AGBL1: variants seen among roughly 807,000 people sequenced by gnomAD.
AGBL1 encodes the protein AGBL carboxypeptidase 1, also known as cytosolic carboxypeptidase 4.
AGBL1 carries 130 observed loss-of-function variants against 118.9 expected under a neutral mutation model. The observed-to-expected ratio is 1.09, with a 90% CI of 0.95 to 1.26. AGBL1 has a LOEUF of 1.26. Among genes scored for constraint, AGBL1 ranks in the 50% most tolerant of loss-of-function variants. AGBL1 has a pLI of 0.00. For synonymous variants in AGBL1, 555 were observed against 478.9 expected, an observed-to-expected ratio of 1.16 and a Z score of -2.08; for missense variants, 1,584 against 1,298.1, an observed-to-expected ratio of 1.22 and a Z score of -3.38.
At chr15:86,367,199 T>C (rs1202326377) in intron 17 of AGBL1, among the ~76,000 whole-genome samples, 1 of 152,200 alleles carries the variant, frequency 6.6e-6, no homozygotes, top group Non-Finnish European at 1.5e-5. Flanking sequence ...GAGAATGGAA[T>C]CTTTAAGCAT....
chr15:86,903,536 A>T lies in AGBL1; in HGVS notation c.3159-3551A>T, dbSNP rs544344454. Among the ~76,000 whole-genome samples the T allele has an allele frequency of 6.6e-5, 10 of 152,188 alleles. 1 individual carries two copies. In the South Asian group the frequency reaches 2.1e-3, roughly 32 times the overall value. On this transcript the variant is annotated intron_variant, in intron 22 of 22. Coordinates refer to ENST00000614907, the MANE Select transcript of AGBL1 (RefSeq NM_001386094.1). ...CTGTTGGCATGTCTTGATTATCCTGATTCTTGGTATGATGAGTGATTTTCT... is the reference window on the plus strand; with the variant it reads ...CTGTTGGCATGTCTTGATTATCCTGTTTCTTGGTATGATGAGTGATTTTCT...
chr15:86,167,532 C>T lies in AGBL1; in HGVS notation c.488+8506C>T, dbSNP rs548750923. Among the ~76,000 whole-genome samples the T allele has an allele frequency of 5.9e-5, 9 of 152,346 alleles. No homozygotes were observed. In the East Asian group the frequency reaches 1.3e-3, roughly 23 times the overall value. On this transcript the variant is annotated intron_variant, in intron 5 of 22. Coordinates refer to ENST00000614907, the MANE Select transcript of AGBL1 (RefSeq NM_001386094.1). Reference sequence around the variant, plus strand: ...AAGTGCTGGGATTATAGGCGTGAACCGCCATGCCTGGCCCGGGAACTGATA... The same window carrying T: ...AAGTGCTGGGATTATAGGCGTGAACTGCCATGCCTGGCCCGGGAACTGATA...
chr15:86,218,442 C>T (rs926406492), intron 5 of AGBL1, among the ~76,000 whole-genome samples: 2 of 152,146 alleles, frequency 1.3e-5, no homozygotes, highest in African/African-American at 4.8e-5. Flanking sequence ...GACAGACTCT[C>T]AGGTGGCCCC....
intron 22 of AGBL1, among the ~76,000 whole-genome samples, chr15:86,695,102 GCTT>G (rs980549516): frequency 5.0e-4 from 76 of 152,052 alleles, no homozygotes; most frequent in African/African-American, 1.8e-3. Flanking sequence ...GGTGATGCTG[GCTT>G]CTTTGATGAT....
chr15:86,843,876 G>A (rs919483251), intron 22 of AGBL1, among the ~76,000 whole-genome samples: 7 of 151,910 alleles, frequency 4.6e-5, no homozygotes, highest in East Asian at 1.9e-4. Flanking sequence ...CCTTGTGTCC[G>A]CCAGGAGTTA....
intron 24 of AGBL1, among the ~76,000 whole-genome samples, chr15:87,023,879 A>G (rs1316906983): frequency 6.6e-6 from 1 of 152,072 alleles, no homozygotes; most frequent in African/African-American, 2.4e-5. Flanking sequence ...CTGCTTCTGA[A>G]TGATCATTGG....
At chr15:86,276,769 A>G (rs973169834) in intron 15 of AGBL1, among the ~76,000 whole-genome samples, 4 of 152,258 alleles carry the variant, frequency 2.6e-5, no homozygotes, top group African/African-American at 9.6e-5. Context: ...AATTTAACAT[A>G]GGAAGGATGA....
intron 2 of AGBL1, 107 bp from the exon 3 acceptor site, chr15:86,143,592 G>A (rs1390142784): frequency 1.8e-5 from 24 of 1,370,920 alleles, no homozygotes; most frequent in Non-Finnish European, 2.2e-5. Flanking sequence ...TTACGTAGTT[G>A]AAATGAACTA....
intron 23 of AGBL1, among the ~76,000 whole-genome samples, chr15:86,953,485 G>A (rs867320943): frequency 1.3e-5 from 2 of 151,436 alleles, no homozygotes; most frequent in African/African-American, 4.9e-5. Context: ...CTGCCTCCTG[G>A]TCTGAAGCAA....
intron 1 of AGBL1, among the ~76,000 whole-genome samples, chr15:86,090,048 A>G (rs1431844531): frequency 6.6e-6 from 1 of 152,204 alleles, no homozygotes; most frequent in Non-Finnish European, 1.5e-5. Context: ...AAATAGCCTA[A>G]GTATTTTTCC....
intron 1 of AGBL1, among the ~76,000 whole-genome samples, chr15:86,080,777 G>T (rs1399099449): frequency 6.6e-6 from 1 of 152,060 alleles, no homozygotes; most frequent in Non-Finnish European, 1.5e-5. Context: ...CTCCCCCGGG[G>T]TCTCCATGTA....
chr15:86,717,914 C>T (rs2086661871), intron 22 of AGBL1, among the ~76,000 whole-genome samples: 1 of 152,070 alleles, frequency 6.6e-6, no homozygotes, highest in Non-Finnish European at 1.5e-5. Flanking sequence ...CCCGTCTCTA[C>T]TAAAAATACA....
At chr15:86,620,058 G>A (rs73443554) in intron 21 of AGBL1, among the ~76,000 whole-genome samples, 1,535 of 152,232 alleles carry the variant, frequency 0.01, 29 homozygotes, top group African/African-American at 0.035. Context: ...GGATCTCAGA[G>A]TGTTTTTATT....
intron 22 of AGBL1, among the ~76,000 whole-genome samples, chr15:86,773,320 C>T (rs73445255): frequency 0.036 from 5,524 of 152,020 alleles, 372 homozygotes; most frequent in African/African-American, 0.13. Flanking sequence ...ATAGCTGAAC[C>T]AAGCCTCGAA....
chr15:86,900,531 G>A (rs766376522), intron 22 of AGBL1, among the ~76,000 whole-genome samples: 5 of 151,952 alleles, frequency 3.3e-5, no homozygotes, highest in Non-Finnish European at 5.9e-5. Flanking sequence ...ATTTTTCATA[G>A]TCTATAGATT....
chr15:86,566,198 C>A (rs4887486), intron 21 of AGBL1, among the ~76,000 whole-genome samples: 92,889 of 151,906 alleles, frequency 0.61, 29,356 homozygotes, highest in East Asian at 0.91. Flanking sequence ...GAAATGCATA[C>A]ATCACCCGTC....
chr15:86,776,750 A>ATATATG (rs1466910509), intron 22 of AGBL1, among the ~76,000 whole-genome samples: 13 of 139,640 alleles, frequency 9.3e-5, no homozygotes, highest in Non-Finnish European at 1.6e-4. Flanking sequence ...ATATATATAT[A>ATATATG]TGTGTGTGTG....
chr15:86,582,977 A>G lies in AGBL1; in HGVS notation c.2994+28440A>G, dbSNP rs1349654731. Among the ~76,000 whole-genome samples the G allele has an allele frequency of 3.3e-5, 5 of 152,080 alleles. No homozygotes were observed. The East Asian group carries it at 7.7e-4, about 23-fold the overall frequency. On this transcript the variant is annotated intron_variant, in intron 21 of 22. Coordinates refer to ENST00000614907, the MANE Select transcript of AGBL1 (RefSeq NM_001386094.1). ...GTATACATAAGTAACAAACCTGCACATTGTGCACACATACCCTAAAACTTA... is the reference window on the plus strand; with the variant it reads ...GTATACATAAGTAACAAACCTGCACGTTGTGCACACATACCCTAAAACTTA...
intron 17 of AGBL1, among the ~76,000 whole-genome samples, chr15:86,334,167 A>G (rs1272313603): frequency 1.3e-5 from 2 of 152,310 alleles, no homozygotes; most frequent in Admixed American, 6.5e-5. Context: ...ATACTACTGG[A>G]AGTCCCAGCC....
Sources: allele counts gnomAD v4.1 joint callset (sites outside exome capture counted in the v4.1 genomes callset), GRCh38; gene constraint gnomAD v4.1.1; transcripts MANE v1.5; gene names NCBI Gene and HGNC (gene_info 2026-07-23, HGNC 2026-07-21).